The following PUM3 variants were observed in gnomAD, a reference collection of about 807,000 sequenced individuals.
The protein encoded by PUM3 is pumilio homolog 3.
Under a neutral mutation model 84.0 loss-of-function variants are expected in PUM3, and 91 were observed. That is an observed-to-expected ratio of 1.08 (90% confidence interval 0.91 to 1.29). PUM3 has a LOEUF of 1.29. Among genes scored for constraint, PUM3 ranks in the 50% most tolerant of loss-of-function variants. The pLI is 0.00. For synonymous variants in PUM3, 321 were observed against 266.7 expected, an observed-to-expected ratio of 1.20 and a Z score of -1.98; for missense variants, 1,067 against 767.5, an observed-to-expected ratio of 1.39 and a Z score of -4.61.
chr9:2,835,396 G>A (rs547435319), intron 3 of PUM3, among the ~76,000 whole-genome samples: 2 of 151,944 alleles, frequency 1.3e-5, no homozygotes, highest in Non-Finnish European at 1.5e-5. Context: ...TCACAGTCTG[G>A]GCAACAAAGT....
chr9:2,827,180 C>A (rs1446676451), intron 9 of PUM3, 29 bp from the exon 10 acceptor site: 3 of 1,522,368 alleles, frequency 2.0e-6, no homozygotes, highest in Non-Finnish European at 2.7e-6. Flanking sequence ...AGCAAAAAGA[C>A]ACAACAGATC....
chr9:2,837,147 C>A (rs1196694854), intron 3 of PUM3, 33 bp downstream of exon 3: 8 of 1,557,510 alleles, frequency 5.1e-6, no homozygotes, highest in Middle Eastern at 1.8e-4. Context: ...ATCGTTCAGG[C>A]ACTAGTTCAG....
intron 11 of PUM3, among the ~76,000 whole-genome samples, chr9:2,824,308 T>C (rs891913224): frequency 2.6e-5 from 4 of 152,234 alleles, no homozygotes; most frequent in African/African-American, 9.6e-5. Flanking sequence ...AATAAGGATC[T>C]TTACCTTTTC....
chr9:2,812,617 T>G (rs939830699), intron 13 of PUM3, among the ~76,000 whole-genome samples: 1 of 152,218 alleles, frequency 6.6e-6, no homozygotes, highest in African/African-American at 2.4e-5. Flanking sequence ...AATACATACT[T>G]AACTACTATT....
chr9:2,816,044 C>G (rs1821460957), intron 13 of PUM3, among the ~76,000 whole-genome samples: 1 of 152,164 alleles, frequency 6.6e-6, no homozygotes, highest in Non-Finnish European at 1.5e-5. Flanking sequence ...AAGATACACA[C>G]ATGAAGTAGG....
Position 2,820,113 on chromosome 9 carries a change from A to C in PUM3, c.1189-15T>G. The C allele has an allele frequency of 6.3e-7, 1 of 1,580,146 alleles. No individual in the cohort carries two copies. Among genetic ancestry groups the C allele is most frequent in the East Asian group, 2.2e-5 (1 of 44,594 alleles). On this transcript the variant is annotated splice_polypyrimidine_tract_variant and intron_variant, in intron 12 of 17. Transcript: ENST00000397885. Reference sequence around the variant, plus strand: ...GAGTATTGGCCCTGCAAGAATTGGAAGCCAGCAAAGGTTAAAAACAAGTGC... The same window carrying C: ...GAGTATTGGCCCTGCAAGAATTGGACGCCAGCAAAGGTTAAAAACAAGTGC...
chr9:2,822,173 A>C (rs1406124711), intron 12 of PUM3, among the ~76,000 whole-genome samples: 3 of 152,172 alleles, frequency 2.0e-5, no homozygotes, highest in Non-Finnish European at 4.4e-5. Context: ...GGAAATTTTA[A>C]CATGTTTCTC....
intron 17 of PUM3, among the ~76,000 whole-genome samples, chr9:2,805,015 C>G (rs775738730): frequency 1.3e-5 from 2 of 152,324 alleles, no homozygotes; most frequent in Middle Eastern, 3.4e-3. Flanking sequence ...TGGAGCTTCA[C>G]TGCTTGGGTG....
intron 7 of PUM3, among the ~76,000 whole-genome samples, chr9:2,830,271 A>C (rs963670462): frequency 3.3e-5 from 5 of 152,266 alleles, no homozygotes; most frequent in African/African-American, 1.2e-4. Context: ...AAAAGAATTA[A>C]ACAGCTGGAA....
intron 1 of PUM3, among the ~76,000 whole-genome samples, chr9:2,842,202 T>C (rs921466650): frequency 1.3e-5 from 2 of 152,202 alleles, no homozygotes; most frequent in Non-Finnish European, 2.9e-5. Flanking sequence ...CTCTTGGAAT[T>C]CGCCCCCCTT....
intron 13 of PUM3, among the ~76,000 whole-genome samples, chr9:2,816,740 T>C (rs573358692): frequency 1.5e-4 from 23 of 152,256 alleles, no homozygotes; most frequent in African/African-American, 5.3e-4. Context: ...GGTGAGATCA[T>C]GATTAACTGC....
intron 8 of PUM3, among the ~76,000 whole-genome samples, chr9:2,829,012 C>A (rs1355670877): frequency 2.0e-5 from 3 of 152,240 alleles, no homozygotes; most frequent in Non-Finnish European, 4.4e-5. Context: ...AACCAGCTAA[C>A]AGTTACTTGC....
At chr9:2,827,559 A>G (rs1398924325) in intron 9 of PUM3, among the ~76,000 whole-genome samples, 2 of 152,242 alleles carry the variant, frequency 1.3e-5, no homozygotes, top group Non-Finnish European at 2.9e-5. Flanking sequence ...TCTGTTTCAC[A>G]AAATAATTTT....
Position 2,804,302 on chromosome 9 carries a change from C to T in PUM3, c.*29G>A, listed in dbSNP as rs1469150991. On this transcript the variant is annotated 3_prime_UTR_variant, in exon 18 of 18. Transcript: ENST00000397885. ...AAACAGAACAGAGAACAGAAAAAAT[C>T]ATTCCATCTTGCTCTTAACTCTTTC... 1.9e-6 allele frequency: 3 copies of T among 1,603,532 alleles called. No individual in the cohort carries two copies. The Admixed American group carries it at 5.1e-5, about 27-fold the overall frequency.
chr9:2,835,878 T>C (rs868196147), intron 3 of PUM3, among the ~76,000 whole-genome samples: 3 of 152,284 alleles, frequency 2.0e-5, no homozygotes, highest in Middle Eastern at 3.4e-3. Context: ...AAAGAAATCA[T>C]AACTTTCCTC....
intron 1 of PUM3, among the ~76,000 whole-genome samples, chr9:2,842,730 T>C (rs1427620916): frequency 1.3e-5 from 2 of 152,196 alleles, no homozygotes; most frequent in Non-Finnish European, 2.9e-5. Context: ...AACTTGTGTA[T>C]AACTGCTTAT....
intron 10 of PUM3, 118 bp downstream of exon 10, chr9:2,826,955 C>G: frequency 1.4e-6 from 1 of 733,560 alleles, no homozygotes. Flanking sequence ...ATTATCTTCC[C>G]TAAATAAGGA....
intron 7 of PUM3, among the ~76,000 whole-genome samples, chr9:2,830,231 A>T (rs1444968998): frequency 1.3e-5 from 2 of 152,236 alleles, no homozygotes; most frequent in Non-Finnish European, 2.9e-5. Flanking sequence ...TGAAGATGGG[A>T]CTTAATCACA....
chr9:2,814,167 G>A (rs1172959033), intron 13 of PUM3, among the ~76,000 whole-genome samples: 1 of 152,144 alleles, frequency 6.6e-6, no homozygotes, highest in East Asian at 1.9e-4. Flanking sequence ...TTGTTACAAG[G>A]CAGGGAACTC....
Sources: gnomAD v4.1 joint callset for allele counts (sites outside exome capture counted in the v4.1 genomes callset) on GRCh38, gnomAD v4.1.1 for gene constraint, MANE v1.5 for transcripts, NCBI Gene and HGNC (gene_info 2026-07-23, HGNC 2026-07-21) for gene names.